Variants in DERA observed in about 807,000 individuals in gnomAD.
The protein encoded by DERA is 2-deoxy-D-ribose 5-phosphate aldolase.
A neutral mutation model predicts 41.1 loss-of-function variants in DERA; 15 were observed. The observed-to-expected ratio is 0.37, with a 90% confidence interval of 0.24 to 0.56. The LOEUF (loss-of-function observed/expected upper bound fraction) is 0.56, where lower values mean the gene tolerates loss of function less well. DERA is among the 20% of genes least tolerant of loss of function. The pLI is 0.81. For synonymous variants in DERA, 139 were observed against 137.4 expected, an observed-to-expected ratio of 1.01 and a Z score of -0.08; for missense variants, 396 against 403.4, an observed-to-expected ratio of 0.98 and a Z score of 0.16.
rs74063610 is a variant in DERA at position 16,003,297 on chromosome 12, G to A, written c.637+20861G>A. Among the ~76,000 whole-genome samples, 5 of 152,110 alleles carry A rather than the reference G, an allele frequency of 3.3e-5. No individual in the cohort carries two copies. Among genetic ancestry groups the A allele is most frequent in the Middle Eastern group, 3.4e-3 (1 of 294 alleles). ...AATCATATTGCAGTAGGAGCCTACC[G>A]TACTCCATTGCGACCTCATATTGAC... On this transcript the variant is annotated intron_variant, in intron 6 of 8. Coordinates refer to ENST00000428559, the MANE Select transcript of DERA (RefSeq NM_015954.4). This position sits in a 1 kb window ranked among gnomAD's most constrained non-coding sequence, Gnocchi z 4.8.
intron 1 of DERA, among the ~76,000 whole-genome samples, chr12:15,932,056 T>G (rs188240420): frequency 3.9e-5 from 6 of 152,316 alleles, no homozygotes; most frequent in Admixed American, 3.3e-4. Context: ...TCTTTGTAAA[T>G]TACCCAGTCT....
chr12:15,951,273 T>G (rs2136143014), intron 1 of DERA: 1 of 152,380 alleles, frequency 6.6e-6, no homozygotes, highest in Middle Eastern at 3.4e-3. Context: ...GCAATATAAT[T>G]ATCAGTTTCT....
At position 15,996,748 on chromosome 12, in the gene DERA, A is replaced by G. The variant is rs1217804868; in HGVS notation, c.637+14312A>G. 1.3e-5 allele frequency among the ~76,000 whole-genome samples: 2 copies of G among 152,220 alleles called. No homozygotes were observed. Among genetic ancestry groups the G allele is most frequent in the African/African-American group, 2.4e-5 (1 of 41,462 alleles). On this transcript the variant is annotated intron_variant, in intron 6 of 8. Coordinates refer to ENST00000428559, the MANE Select transcript of DERA (RefSeq NM_015954.4). This position sits in a 1 kb window ranked among gnomAD's most constrained non-coding sequence, Gnocchi z 4.7. The stretch of plus-strand genomic sequence containing the variant: ...TTTATGGTCTTATTATTTTCTGTCA[A>G]GAAGACCTGAAGAAGTTAGAGAAAA...
intron 1 of DERA, among the ~76,000 whole-genome samples, chr12:15,947,174 G>A (rs987852482): frequency 6.6e-6 from 1 of 152,212 alleles, no homozygotes; most frequent in East Asian, 1.9e-4. Flanking sequence ...TGAGAGGAAT[G>A]TATAGTCTGT....
rs1467066829 is a variant in DERA, at chr12:15,967,138, C to A, written c.508+4191C>A. On this transcript the variant is annotated intron_variant, in intron 5 of 8. Coordinates refer to ENST00000428559, the MANE Select transcript of DERA (RefSeq NM_015954.4). This position sits in a 1 kb window ranked among gnomAD's most constrained non-coding sequence, Gnocchi z 4.9. ...GCTGAGGCAGGCAGATCACTTGAGCCCAGGAGTTCAAGACCAGTCTGGGCA... is the reference window on the plus strand; with the variant it reads ...GCTGAGGCAGGCAGATCACTTGAGCACAGGAGTTCAAGACCAGTCTGGGCA... 6.6e-6 allele frequency among the ~76,000 whole-genome samples: 1 copy of A among 151,808 alleles called. No homozygotes were observed. The highest frequency in any genetic ancestry group is 1.5e-5 in the Non-Finnish European group (1 of 67,962).
In DERA at chr12:15,970,619, A is replaced by G. The variant is rs186818143; in HGVS notation, c.508+7672A>G. Among the ~76,000 whole-genome samples the G allele has an allele frequency of 2.0e-5, 3 of 152,046 alleles. No homozygotes were observed. In the East Asian group the frequency reaches 5.8e-4, roughly 29 times the overall value. On this transcript the variant is annotated intron_variant, in intron 5 of 8. Coordinates refer to ENST00000428559, the MANE Select transcript of DERA (RefSeq NM_015954.4). The surrounding 1 kb of genome is among the most constrained non-coding windows in gnomAD (Gnocchi z 4.3). ...TTTAAAATACACCATTCTATTTTTG[A>G]AAATAATGTTAAGAATGAGCTCATT...
Position 16,011,502 on chromosome 12 carries a change from C to T in DERA, c.638-21040C>T, listed in dbSNP as rs770423417. 2.0e-5 allele frequency among the ~76,000 whole-genome samples: 3 copies of T among 152,088 alleles called. No homozygotes were observed. Among genetic ancestry groups the T allele is most frequent in the South Asian group, 4.1e-4 (2 of 4,828 alleles). On this transcript the variant is annotated intron_variant, in intron 6 of 8. Transcript: ENST00000428559. The surrounding 1 kb of genome is among the most constrained non-coding windows in gnomAD (Gnocchi z 4.7). ...AGTTTCGATTTTGGAGCATTTCAGACGTTCAGATTTGGGATGCTCTACTTG... is the reference window on the plus strand; with the variant it reads ...AGTTTCGATTTTGGAGCATTTCAGATGTTCAGATTTGGGATGCTCTACTTG...
At chr12:15,939,478 A>G (rs1948394082) in intron 1 of DERA, among the ~76,000 whole-genome samples, 1 of 152,200 alleles carries the variant, frequency 6.6e-6, no homozygotes, top group Admixed American at 6.5e-5. Context: ...CCCCATGTAT[A>G]CTAGTTGAAA....
intron 6 of DERA, among the ~76,000 whole-genome samples, chr12:15,986,577 C>G (rs1260559313): frequency 2.0e-5 from 3 of 152,132 alleles, no homozygotes; most frequent in African/African-American, 7.2e-5. Context: ...ATACATGTCA[C>G]AAATGGAAGA....
intron 6 of DERA, among the ~76,000 whole-genome samples, chr12:15,991,723 A>G (rs1948803498): frequency 6.6e-6 from 1 of 152,168 alleles, no homozygotes; most frequent in Admixed American, 6.5e-5. Context: ...ATGCACATTT[A>G]CATTTAATCT....
chr12:15,927,464 A>G (rs1010262324), intron 1 of DERA, among the ~76,000 whole-genome samples: 1 of 152,314 alleles, frequency 6.6e-6, no homozygotes, highest in East Asian at 1.9e-4. Context: ...TTAAATATGT[A>G]AGTTTTAATA....
intron 2 of DERA, 49 bp from the exon 3 acceptor site, chr12:15,958,139 G>A: frequency 2.0e-6 from 3 of 1,487,334 alleles, no homozygotes; most frequent in Non-Finnish European, 2.7e-6. Context: ...AGGTTGGTTG[G>A]TTTGTTTATT....
rs778048794 is a variant in DERA at position 16,036,307 on chromosome 12, C to G, written c.826C>G (p.Leu276Val). 3 of 1,613,654 alleles carry G rather than the reference C, an allele frequency of 1.9e-6. No homozygotes were observed. Among genetic ancestry groups the G allele is most frequent in the Non-Finnish European group, 2.5e-6 (3 of 1,179,722 alleles). The change falls in exon 8 of 9, where the codon CTT becomes GTT. Residue 276 changes from leucine to valine, a missense_variant. Leu to Val is a conservative substitution (Grantham distance 32, BLOSUM62 1). Coordinates refer to ENST00000428559, the MANE Select transcript of DERA (RefSeq NM_015954.4). The surrounding 1 kb of genome is among the most constrained non-coding windows in gnomAD (Gnocchi z 4.9). ...LAWLSLVKEE[L>V]GDEWLKPELF... ...TTGGCTCTCTCTTGTAAAGGAGGAGCTTGGAGATGAGTGGCTGAAGCCAGA... is the reference window on the plus strand; with the variant it reads ...TTGGCTCTCTCTTGTAAAGGAGGAGGTTGGAGATGAGTGGCTGAAGCCAGA...
In DERA at chr12:16,013,973, G is replaced by C. The variant is rs146323814; in HGVS notation, c.638-18569G>C. Among the ~76,000 whole-genome samples, 843 of 152,324 alleles carry C rather than the reference G, an allele frequency of 5.5e-3. 2 individuals carry two copies. Among genetic ancestry groups the C allele is most frequent in the Middle Eastern group, 0.024 (7 of 294 alleles). ...TAAAGATCTGCGGAACTTTGAACTT[G>C]AGAGAGGTGATTTAGGGTATTTGGC... On this transcript the variant is annotated intron_variant, in intron 6 of 8. Coordinates refer to ENST00000428559, the MANE Select transcript of DERA (RefSeq NM_015954.4). This position sits in a 1 kb window ranked among gnomAD's most constrained non-coding sequence, Gnocchi z 5.8.
At position 15,965,906 on chromosome 12, in the gene DERA, C is replaced by A. The variant is rs11056742; in HGVS notation, c.508+2959C>A. 1.2e-4 allele frequency among the ~76,000 whole-genome samples: 19 copies of A among 152,290 alleles called. 1 individual carries two copies. In the East Asian group the frequency reaches 3.5e-3, roughly 28 times the overall value. On this transcript the variant is annotated intron_variant, in intron 5 of 8. Coordinates refer to ENST00000428559, the MANE Select transcript of DERA (RefSeq NM_015954.4). The surrounding 1 kb of genome is among the most constrained non-coding windows in gnomAD (Gnocchi z 4.1). Reference sequence around the variant, plus strand: ...ATCTCCCCCTGCATTTTCAGAAGCCCTGCTCTATCTATTGGGCATTCTTTC... The same window carrying A: ...ATCTCCCCCTGCATTTTCAGAAGCCATGCTCTATCTATTGGGCATTCTTTC...
rs746024312 is a variant in DERA at position 15,936,296 on chromosome 12, C to CT, written c.32-20639dup. ...AACTTGCTTTTGTATTAGTTTCTTC[C>CT]TATGGCTAAAGATTTCAAACATTCA... is the stretch of plus-strand genomic sequence containing the variant. On this transcript the variant is annotated intron_variant, in intron 1 of 8. Coordinates refer to ENST00000428559, the MANE Select transcript of DERA (RefSeq NM_015954.4). The surrounding 1 kb of genome is among the most constrained non-coding windows in gnomAD (Gnocchi z 4.6). Among the ~76,000 whole-genome samples the CT allele has an allele frequency of 5.3e-5, 8 of 152,132 alleles. No homozygotes were observed. Among genetic ancestry groups the CT allele is most frequent in the Non-Finnish European group, 1.2e-4 (8 of 68,036 alleles).
chr12:15,954,107 G>A lies in DERA; in HGVS notation c.32-2829G>A, dbSNP rs944113715. Among the ~76,000 whole-genome samples, 21 of 152,194 alleles carry A rather than the reference G, an allele frequency of 1.4e-4. No homozygotes were observed. The highest frequency in any genetic ancestry group is 4.8e-4 in the African/African-American group (20 of 41,450). ...GACCTTGTGAGTTCTAACCTTTGGT[G>A]TACTCAAAATTGGTTTTTAAGGGGA... On this transcript the variant is annotated intron_variant, in intron 1 of 8. Coordinates refer to ENST00000428559, the MANE Select transcript of DERA (RefSeq NM_015954.4). This position sits in a 1 kb window ranked among gnomAD's most constrained non-coding sequence, Gnocchi z 4.0.
At position 15,977,872 on chromosome 12, in the gene DERA, C is replaced by T. The variant is rs75598373; in HGVS notation, c.509-4436C>T. On this transcript the variant is annotated intron_variant, in intron 5 of 8. Transcript: ENST00000428559. ...TTTTTGAGGGAAGAGGCTTTGAAAA[C>T]GTAGGGGATTTCTCATCCTTTAGAG... Among the ~76,000 whole-genome samples, 610 of 152,260 alleles carry T rather than the reference C, an allele frequency of 4.0e-3. 1 individual carries two copies. Among genetic ancestry groups the T allele is most frequent in the Non-Finnish European group, 6.4e-3 (433 of 68,010 alleles).
intron 6 of DERA, among the ~76,000 whole-genome samples, chr12:16,018,395 C>T (rs563814741): frequency 7.2e-4 from 110 of 152,190 alleles, no homozygotes; most frequent in South Asian, 3.9e-3. Flanking sequence ...CTCCCTGTAA[C>T]GAATCATGAG....
Sources: allele counts gnomAD v4.1 joint callset (sites outside exome capture counted in the v4.1 genomes callset), GRCh38; gene constraint gnomAD v4.1.1; non-coding constraint Gnocchi (gnomAD v3.1); transcripts MANE v1.5; gene names NCBI Gene and HGNC (gene_info 2026-07-23, HGNC 2026-07-21).